Variants in PC observed in about 807,000 individuals in gnomAD.
The protein encoded by PC is pyruvate carboxylase, mitochondrial.
A neutral mutation model predicts 107.8 loss-of-function variants in PC; 46 were observed. That is an observed-to-expected ratio of 0.43 (90% CI 0.34 to 0.55). The LOEUF is 0.55. Among genes scored for constraint, PC ranks in the 20% least tolerant of loss-of-function variants. The probability of loss-of-function intolerance (pLI) is 0.04; values close to 1 mark genes in which losing one functional copy is unlikely to be tolerated. For missense variants in PC, 1,241 were observed against 1,643.1 expected, an observed-to-expected ratio of 0.76 and a Z score of 4.23; for synonymous variants, 662 against 684.7, an observed-to-expected ratio of 0.97 and a Z score of 0.52.
intron 3 of PC, among the ~76,000 whole-genome samples, chr11:66,886,819 GA>G (rs1222650160): frequency 1.3e-5 from 2 of 152,194 alleles, no homozygotes; most frequent in African/African-American, 4.8e-5. Flanking sequence ...CCTGTGTAAA[GA>G]GTTCTGAGCT....
chr11:66,848,958 C>T lies in PC; in HGVS notation c.3478G>A (p.Val1160Ile). The change falls in exon 23 of 23, where the codon GTT (valine) becomes ATT (isoleucine). Residue 1160 changes from valine (V) to isoleucine (I), a missense_variant. Physicochemically the swap from Val to Ile is conservative, Grantham distance 29 (BLOSUM62 3). Transcript: ENST00000393960. ...AGTGTCATGTCCTTGGTCACATGAA[C>T]CTTGCGGACAGTACCCTCCATGGGT... ...TSPMEGTVRKVHVTKDMTLEG... is the reference protein window; with the variant it reads ...TSPMEGTVRKIHVTKDMTLEG... The T allele has an allele frequency of 6.2e-7, 1 of 1,614,068 alleles. No individual in the cohort carries two copies. Among genetic ancestry groups the T allele is most frequent in the Non-Finnish European group, 8.5e-7 (1 of 1,180,022 alleles).
At chr11:66,864,133 G>A (rs1946393961) in intron 11 of PC, among the ~76,000 whole-genome samples, 177 bp from the exon 12 acceptor site, 1 of 152,240 alleles carries the variant, frequency 6.6e-6, no homozygotes, top group Non-Finnish European at 1.5e-5. Flanking sequence ...ACCAAACCCA[G>A]GAGTGCGTCC....
chr11:66,903,752 G>GA (rs1175402409), intron 3 of PC, among the ~76,000 whole-genome samples: 4,024 of 76,090 alleles, frequency 0.053, 258 homozygotes, highest in African/African-American at 0.12. Flanking sequence ...TCCATCTCAG[G>GA]AAAAAAAAAA....
At chr11:66,905,342 G>C (rs1222229299) in intron 3 of PC, among the ~76,000 whole-genome samples, 1 of 152,186 alleles carries the variant, frequency 6.6e-6, no homozygotes, top group Non-Finnish European at 1.5e-5. Context: ...AGTGCACTGG[G>C]GTGAGAGGGA....
chr11:66,860,710 T>G (rs556296970), intron 12 of PC: 1 of 700,716 alleles, frequency 1.4e-6, no homozygotes, highest in Non-Finnish European at 2.6e-6. Context: ...TACCCTCGCC[T>G]GTAAGTGCAA....
At chr11:66,860,060 C>A in intron 12 of PC, 1 of 1,566,266 alleles carries the variant, frequency 6.4e-7, no homozygotes. Context: ...TGGGAGATGC[C>A]GGGTGCTACG....
intron 3 of PC, among the ~76,000 whole-genome samples, chr11:66,874,936 A>T (rs1004139864): frequency 3.9e-5 from 6 of 152,186 alleles, no homozygotes; most frequent in Non-Finnish European, 8.8e-5. Context: ...GGCCACGCAC[A>T]GATCCGCAGA....
At chr11:66,850,989 C>T (rs751094151) in intron 17 of PC, 51 bp downstream of exon 17, 28 of 1,608,674 alleles carry the variant, frequency 1.7e-5, no homozygotes, top group South Asian at 7.7e-5. Flanking sequence ...CTGTGGGTGG[C>T]GGGGACATGG....
Position 66,870,534 on chromosome 11 carries a change from C to T in PC, c.752-81G>A. 6.6e-7 allele frequency: 1 copy of T among 1,514,504 alleles called. No homozygotes were observed. The highest frequency in any genetic ancestry group is 2.3e-5 in the East Asian group (1 of 43,922). The allele number at this position is 1,514,504 out of a possible 1,614,324, so 93.8% of individuals were successfully genotyped here. A position where few individuals can be genotyped will look rare whatever the true frequency, so the allele number is the denominator to read the frequency against. The stretch of plus-strand genomic sequence containing the variant: ...ATGCCCCATCACCCCCACATAACCA[C>T]TGTCGCCAGTCAGTGCCGGCTGCCA... On this transcript the variant is annotated intron_variant, in intron 8 of 22. Transcript: ENST00000393960. This position sits in a 1 kb window ranked among gnomAD's most constrained non-coding sequence, Gnocchi z 6.1.
intron 3 of PC, among the ~76,000 whole-genome samples, chr11:66,921,823 T>C (rs1288125270): frequency 4.6e-5 from 7 of 152,228 alleles, no homozygotes; most frequent in Non-Finnish European, 4.4e-5. Flanking sequence ...TTCTTTTATA[T>C]AAATTTAGTT....
At chr11:66,914,600 TAAGTA>T (rs1044758599) in intron 3 of PC, among the ~76,000 whole-genome samples, 15 of 151,772 alleles carry the variant, frequency 9.9e-5, no homozygotes, top group African/African-American at 3.6e-4. Flanking sequence ...TCAAAAAAGG[TAAGTA>T]AAGAACAAAC....
chr11:66,856,985 A>C (rs1348254640), intron 12 of PC: 1 of 146,030 alleles, frequency 6.8e-6, no homozygotes, highest in Non-Finnish European at 1.5e-5. Context: ...TGACCTCAGG[A>C]GCCGGCCCGG....
chr11:66,943,942 A>G (rs931579742), intron 3 of PC, among the ~76,000 whole-genome samples: 4 of 147,274 alleles, frequency 2.7e-5, no homozygotes, highest in Non-Finnish European at 6.0e-5. Flanking sequence ...ACTGCCCTCC[A>G]GCCTGAGTGA....
intron 12 of PC, among the ~76,000 whole-genome samples, chr11:66,863,535 G>A (rs916228739): frequency 2.6e-5 from 4 of 152,166 alleles, no homozygotes; most frequent in African/African-American, 7.2e-5. Flanking sequence ...ATGTGAGGAC[G>A]AGCTCCGGCC....
intron 3 of PC, among the ~76,000 whole-genome samples, chr11:66,884,351 G>A (rs1947287688): frequency 6.6e-6 from 1 of 152,128 alleles, no homozygotes; most frequent in Non-Finnish European, 1.5e-5. Flanking sequence ...GGTTGAAGCT[G>A]CAGTGAGCCA....
At chr11:66,899,576 A>T (rs1383965141) in intron 3 of PC, among the ~76,000 whole-genome samples, 4 of 151,820 alleles carry the variant, frequency 2.6e-5, no homozygotes, top group Non-Finnish European at 4.4e-5. Context: ...GACATTGCCC[A>T]GGCTGGTCTT....
At chr11:66,868,049 C>T (rs1023031694) in intron 10 of PC, among the ~76,000 whole-genome samples, 1 of 152,236 alleles carries the variant, frequency 6.6e-6, no homozygotes, top group African/African-American at 2.4e-5. Flanking sequence ...AGAAACCAGG[C>T]GGATTTTGAA....
Position 66,850,263 on chromosome 11 carries a change from T to G in PC, c.2675A>C (p.Lys892Thr), listed in dbSNP as rs778964368. The G allele has an allele frequency of 3.7e-6, 6 of 1,614,090 alleles. No homozygotes were observed. The highest frequency in any genetic ancestry group is 4.2e-6 in the Non-Finnish European group (5 of 1,180,018). Residue 892 changes from lysine to threonine, a missense_variant, in exon 19 of 23, where the codon AAG becomes ACG. By Grantham distance (78) the Lys-to-Thr change is moderately conservative. Around this residue, in one of 2 missense-constraint regions of PC, gnomAD observed 1,143 missense variants for 1,551.9 expected, o/e 0.74. Coordinates refer to ENST00000393960, the MANE Select transcript of PC (RefSeq NM_001040716.2). ...CATCTGGTTGGCCTCCACATAGGCC[T>G]TCTTGACCTCCTTGAACTTGGAGCC... ...GLGSKFKEVKKAYVEANQMLG... is the reference protein window; with the variant it reads ...GLGSKFKEVKTAYVEANQMLG...
At chr11:66,901,010 T>C (rs1947938067) in intron 3 of PC, among the ~76,000 whole-genome samples, 1 of 152,208 alleles carries the variant, frequency 6.6e-6, no homozygotes, top group Non-Finnish European at 1.5e-5. Context: ...TGATCAAATT[T>C]TGAACTAGTA....
Sources: allele counts gnomAD v4.1 joint callset (sites outside exome capture counted in the v4.1 genomes callset), GRCh38; gene constraint gnomAD v4.1.1; regional missense constraint gnomAD v4.1.1; non-coding constraint Gnocchi (gnomAD v3.1); transcripts MANE v1.5; gene names NCBI Gene and HGNC (gene_info 2026-07-23, HGNC 2026-07-21).